COL24A1: variants seen among roughly 807,000 people sequenced by gnomAD.
COL24A1 encodes the protein collagen alpha-1(XXIV) chain.
In COL24A1, 224 loss-of-function variants were observed where a neutral mutation model predicts 253.9. The observed-to-expected ratio is 0.88, with a 90% confidence interval of 0.79 to 0.99. COL24A1 has a LOEUF of 0.99. COL24A1 is among the 50% of genes least tolerant of loss of function. COL24A1 has a pLI of 0.00. For synonymous variants in COL24A1, 685 were observed against 673.7 expected (o/e 1.02, Z -0.26); for missense variants, 2,131 against 2,068.5 (o/e 1.03, Z -0.59).
In COL24A1 at chr1:85,774,332, T is replaced by C. The variant is rs938170538; in HGVS notation, c.4374+1342A>G. 2.6e-5 allele frequency among the ~76,000 whole-genome samples: 4 copies of C among 152,124 alleles called. No homozygotes were observed. The South Asian group carries it at 6.2e-4, about 24-fold the overall frequency. On this transcript the variant is annotated intron_variant, in intron 53 of 59. Transcript: ENST00000370571. ...TCAGGGATATTGGCCTAAAATTCTC[T>C]TTTTTTGTTGTGTCTCTGCCGGGCT...
Position 85,730,235 on chromosome 1 carries a change from T to C in COL24A1, c.*311A>G, listed in dbSNP as rs1184020608. The C allele has an allele frequency of 1.4e-5, 3 of 217,256 alleles. No individual in the cohort carries two copies. Among genetic ancestry groups the C allele is most frequent in the Non-Finnish European group, 1.9e-5 (2 of 107,746 alleles). 13.5% of individuals were successfully genotyped at this position (217,256 alleles called of 1,614,324 possible). On this transcript the variant is annotated 3_prime_UTR_variant, in exon 60 of 60. Transcript: ENST00000370571. ...TCTGCATCTCCAGCTGTCTAATGGG[T>C]ACTACGCACTCAGTCAAAAATATAA...
chr1:86,031,174 T>C (rs1053790719), intron 14 of COL24A1, among the ~76,000 whole-genome samples: 3 of 152,120 alleles, frequency 2.0e-5, no homozygotes, highest in Admixed American at 1.3e-4. Context: ...CTGGAAGACA[T>C]TAGTGATATA....
intron 28 of COL24A1, among the ~76,000 whole-genome samples, chr1:85,899,595 T>C (rs1469814049): frequency 6.6e-6 from 1 of 152,218 alleles, no homozygotes; most frequent in Non-Finnish European, 1.5e-5. Context: ...GTGGCAGCCA[T>C]AAGCATTAAG....
chr1:86,022,334 C>G (rs1392988119), intron 17 of COL24A1, 41 bp from the exon 18 acceptor site: 1 of 1,554,338 alleles, frequency 6.4e-7, no homozygotes, highest in Admixed American at 1.7e-5. Flanking sequence ...TATTATACCA[C>G]AAAAGGCAGA....
Position 86,124,880 on chromosome 1 carries a change from A to C in COL24A1, c.1456T>G (p.Tyr486Asp). Reference sequence around the variant, plus strand: ...GTGTCTCCTTTTGGCCCTCTCAGATACTCCATTTCAAGCATTGTATTTAGA... The same window carrying C: ...GTGTCTCCTTTTGGCCCTCTCAGATCCTCCATTTCAAGCATTGTATTTAGA... ...EDLNTMLEME[Y>D]LRGPKGDTGP... The change falls in exon 3 of 60, where the codon TAT becomes GAT. Residue 486 changes from tyrosine (Y) to aspartate (D), a missense_variant. Transcript: ENST00000370571. The C allele has an allele frequency of 6.3e-7, 1 of 1,593,120 alleles. No individual in the cohort carries two copies. Among genetic ancestry groups the C allele is most frequent in the Non-Finnish European group, 8.5e-7 (1 of 1,173,288 alleles).
chr1:86,064,262 G>A (rs1701320072), intron 7 of COL24A1, among the ~76,000 whole-genome samples: 1 of 152,130 alleles, frequency 6.6e-6, no homozygotes, highest in Admixed American at 6.5e-5. Flanking sequence ...AAAAAATCAT[G>A]AGGCTGCTTA....
chr1:86,023,126 G>T, intron 14 of COL24A1, 119 bp from the exon 15 acceptor site: 2 of 782,642 alleles, frequency 2.6e-6, no homozygotes, highest in East Asian at 2.8e-5. Context: ...TCCTACACGT[G>T]CCTTGTTCTT....
At chr1:86,099,678 T>C (rs1287936617) in intron 5 of COL24A1, among the ~76,000 whole-genome samples, 1 of 152,154 alleles carries the variant, frequency 6.6e-6, no homozygotes, top group Non-Finnish European at 1.5e-5. Flanking sequence ...AAAATGTATC[T>C]AGATTGTGAC....
At chr1:85,809,587 T>C (rs1320233007) in intron 47 of COL24A1, among the ~76,000 whole-genome samples, 1 of 152,006 alleles carries the variant, frequency 6.6e-6, no homozygotes, top group Admixed American at 6.6e-5. Flanking sequence ...TAGAGATAAA[T>C]TGTTGTACTT....
In COL24A1 at chr1:86,059,137, C is replaced by T. The variant is rs766090065; in HGVS notation, c.1790G>A (p.Gly597Asp). 3.1e-6 allele frequency: 5 copies of T among 1,610,794 alleles called. No homozygotes were observed. In the Admixed American group the frequency reaches 5.0e-5, roughly 16 times the overall value. The change falls in exon 9 of 60, where the codon GGT becomes GAT. Residue 597 changes from glycine (G) to aspartate (D), a missense_variant. Transcript: ENST00000370571. ...PGFAGNIGSP[G>D]YPGRQGLAGP... ...TTACTGCACCTGCCTGCCAGGGTAA[C>T]CGGGTGAACCAATATTACCAGCAAA...
intron 5 of COL24A1, among the ~76,000 whole-genome samples, chr1:86,108,564 C>T (rs1705215648): frequency 7.1e-6 from 1 of 140,004 alleles, no homozygotes; most frequent in South Asian, 2.2e-4. Context: ...AGGTGGATCA[C>T]CTGAGGTCAG....
intron 1 of COL24A1, among the ~76,000 whole-genome samples, chr1:86,146,593 T>G (rs1393989264): frequency 6.6e-6 from 1 of 151,780 alleles, no homozygotes; most frequent in African/African-American, 2.4e-5. Context: ...TAATAGAAAT[T>G]TCCACAAAAA....
chr1:85,784,158 A>G lies in COL24A1; in HGVS notation c.4176T>C (p.Tyr1392=), dbSNP rs764312594. The change falls in exon 50 of 60, where the codon TAT becomes TAC. Residue 1392 remains tyrosine (Y), a synonymous_variant. Coordinates refer to ENST00000370571, the MANE Select transcript of COL24A1 (RefSeq NM_152890.7). ...GGAAACCTGTCAAACCTTGAACACCATATTCTCCCTGCAAAGTGAATTGAC... is the reference window on the plus strand; with the variant it reads ...GGAAACCTGTCAAACCTTGAACACCGTATTCTCCCTGCAAAGTGAATTGAC... ...DPGLKGQPGE[Y]GVQGLTGFQG... 5.0e-6 allele frequency: 8 copies of G among 1,613,742 alleles called. No individual in the cohort carries two copies. Among genetic ancestry groups the G allele is most frequent in the Non-Finnish European group, 6.8e-6 (8 of 1,179,746 alleles).
chr1:86,099,937 T>A (rs896241413), intron 5 of COL24A1, among the ~76,000 whole-genome samples: 5 of 148,562 alleles, frequency 3.4e-5, no homozygotes, highest in East Asian at 3.9e-4. Flanking sequence ...ATCTTTTTTT[T>A]AAAATTTTAT....
intron 2 of COL24A1, among the ~76,000 whole-genome samples, chr1:86,132,844 T>C (rs1283933202): frequency 3.3e-5 from 5 of 152,072 alleles, no homozygotes; most frequent in East Asian, 1.9e-4. Flanking sequence ...GACTTGGCAA[T>C]GCGGGCTCTT....
chr1:85,747,424 A>AT (rs1176653533), intron 55 of COL24A1, among the ~76,000 whole-genome samples: 1 of 152,006 alleles, frequency 6.6e-6, no homozygotes, highest in Non-Finnish European at 1.5e-5. Context: ...AACTTTTGAT[A>AT]TTGACTATAG....
At chr1:85,802,065 G>A (rs988257792) in intron 47 of COL24A1, among the ~76,000 whole-genome samples, 1 of 152,078 alleles carries the variant, frequency 6.6e-6, no homozygotes, top group South Asian at 2.1e-4. Context: ...TTCAAACCGT[G>A]AACACCTATA....
intron 52 of COL24A1, among the ~76,000 whole-genome samples, chr1:85,780,451 A>T (rs2101543598): frequency 6.6e-6 from 1 of 152,222 alleles, no homozygotes; most frequent in South Asian, 2.1e-4. Flanking sequence ...TTGACCAATC[A>T]TTGTCTCATT....
rs758851794 is a variant in COL24A1, at chr1:85,816,996, A to G, written c.3844-101T>C. On this transcript the variant is annotated intron_variant, in intron 46 of 59. Coordinates refer to ENST00000370571, the MANE Select transcript of COL24A1 (RefSeq NM_152890.7). ...GAGCTGGAGAAGTTTACATTTTTAT[A>G]TTTTGTTCTAGGACAAATTTTCCTG... 1.1e-5 allele frequency: 10 copies of G among 880,162 alleles called. No individual in the cohort carries two copies. The East Asian group carries it at 2.3e-4, about 20-fold the overall frequency. 54.5% of individuals were successfully genotyped at this position (880,162 alleles called of 1,614,324 possible).
Sources: gnomAD v4.1 joint callset for allele counts (sites outside exome capture counted in the v4.1 genomes callset) on GRCh38, gnomAD v4.1.1 for gene constraint, MANE v1.5 for transcripts, NCBI Gene and HGNC (gene_info 2026-07-23, HGNC 2026-07-21) for gene names.